Variants in IDE observed in about 807,000 individuals in gnomAD.
The protein encoded by IDE is insulin-degrading enzyme.
A neutral mutation model predicts 133.2 loss-of-function variants in IDE; 58 were observed. The ratio of observed to expected loss-of-function variants is 0.44; its 90% CI spans 0.35 to 0.54. IDE has a LOEUF of 0.54. Among genes scored for constraint, IDE ranks in the 20% least tolerant of loss-of-function variants. IDE has a pLI of 0.00. For synonymous variants in IDE, 396 were observed against 421.3 expected, an observed-to-expected ratio of 0.94 and a Z score of 0.73; for missense variants, 981 against 1,234.0, an observed-to-expected ratio of 0.79 and a Z score of 3.07.
intron 1 of IDE, among the ~76,000 whole-genome samples, chr10:92,538,677 C>A (rs1202310473): frequency 6.6e-6 from 1 of 151,316 alleles, no homozygotes; most frequent in East Asian, 1.9e-4. Context: ...ATGTTGGTTG[C>A]AATTAGTGCA....
intron 22 of IDE, among the ~76,000 whole-genome samples, chr10:92,460,570 C>T (rs1845322324): frequency 6.6e-6 from 1 of 151,938 alleles, no homozygotes; most frequent in South Asian, 2.1e-4. Context: ...TGTCATGGGC[C>T]ACACATAAAA....
At chr10:92,476,062 G>A in intron 15 of IDE, 68 bp from the exon 16 acceptor site, 1 of 691,808 alleles carries the variant, frequency 1.4e-6, no homozygotes, top group Non-Finnish European at 2.5e-6. Context: ...TAAACGACTT[G>A]ATTTTTAAAC....
chr10:92,462,668 C>A (rs1246113906), intron 21 of IDE, among the ~76,000 whole-genome samples: 1 of 152,124 alleles, frequency 6.6e-6, no homozygotes, highest in Non-Finnish European at 1.5e-5. Context: ...AGGAGCCAGG[C>A]CAGCCTGGAT....
chr10:92,526,713 G>A (rs1849639087), intron 4 of IDE, among the ~76,000 whole-genome samples: 1 of 152,028 alleles, frequency 6.6e-6, no homozygotes, highest in African/African-American at 2.4e-5. Context: ...GAGTGTGGTA[G>A]TGTGTGCGTG....
intron 1 of IDE, among the ~76,000 whole-genome samples, chr10:92,571,045 A>G (rs1843759194): frequency 6.6e-6 from 1 of 150,916 alleles, no homozygotes; most frequent in Admixed American, 6.6e-5. Flanking sequence ...CAGTGGCACG[A>G]TCTCAGCTCA....
intron 1 of IDE, among the ~76,000 whole-genome samples, chr10:92,566,122 A>G (rs1166523075): frequency 6.6e-6 from 1 of 151,756 alleles, no homozygotes; most frequent in African/African-American, 2.4e-5. Flanking sequence ...TTGGGAGGCC[A>G]AGGTAGGTGG....
chr10:92,570,528 G>A (rs1490851374), intron 1 of IDE, among the ~76,000 whole-genome samples: 6 of 152,084 alleles, frequency 3.9e-5, no homozygotes, highest in African/African-American at 1.4e-4. Flanking sequence ...AAGTGCTCTA[G>A]CCTTGTCATC....
At chr10:92,499,950 T>C (rs1273115051) in intron 11 of IDE, among the ~76,000 whole-genome samples, 1 of 152,182 alleles carries the variant, frequency 6.6e-6, no homozygotes, top group Non-Finnish European at 1.5e-5. Flanking sequence ...AACAGCACCA[T>C]TTGTTGAAAA....
At chr10:92,456,478 C>G (rs767583086) in intron 22 of IDE, 47 bp from the exon 23 acceptor site, 3 of 1,261,158 alleles carry the variant, frequency 2.4e-6, no homozygotes, top group East Asian at 4.6e-5. Context: ...CACTAAAGAA[C>G]TTACAATGAG....
At chr10:92,540,730 T>C (rs1422500696) in intron 1 of IDE, among the ~76,000 whole-genome samples, 2 of 152,144 alleles carry the variant, frequency 1.3e-5, no homozygotes, top group Admixed American at 6.5e-5. Flanking sequence ...AGATGAAATA[T>C]AGCTCACTTT....
intron 11 of IDE, among the ~76,000 whole-genome samples, chr10:92,495,195 C>G (rs1043431321): frequency 6.3e-5 from 9 of 142,776 alleles, no homozygotes; most frequent in Non-Finnish European, 1.3e-4. Flanking sequence ...TCCATAGTAG[C>G]TAGGATTACA....
chr10:92,525,799 TACAAAAA>T (rs1256754473), intron 4 of IDE, among the ~76,000 whole-genome samples: 1 of 126,546 alleles, frequency 7.9e-6, no homozygotes, highest in Non-Finnish European at 1.7e-5. Context: ...TTATAATAGC[TACAAAAA>T]ACAAAAAACA....
intron 14 of IDE, among the ~76,000 whole-genome samples, 196 bp downstream of exon 14, chr10:92,483,059 C>T (rs949259241): frequency 9.9e-5 from 15 of 152,170 alleles, no homozygotes; most frequent in Non-Finnish European, 1.5e-4. Flanking sequence ...GGATTACAGG[C>T]GTGAGCCACC....
rs1236727172 is a variant in IDE at position 92,564,703 on chromosome 10, A to C, written c.98+9219T>G. 1.2e-4 allele frequency among the ~76,000 whole-genome samples: 18 copies of C among 144,642 alleles called. No homozygotes were observed. In the East Asian group the frequency reaches 1.6e-3, roughly 13 times the overall value. The allele number at this position is 144,642 out of a possible 152,430, so 94.9% of individuals were successfully genotyped here. ...AAAAAAAAAAAAAAAAAAAAAAAAAAAAAAAAACTGAAACTGTACTAAATG... is the reference window on the plus strand; with the variant it reads ...AAAAAAAAAAAAAAAAAAAAAAAAACAAAAAAACTGAAACTGTACTAAATG... On this transcript the variant is annotated intron_variant, in intron 1 of 24. Transcript: ENST00000265986.
chr10:92,483,160 AT>A, intron 14 of IDE, 94 bp downstream of exon 14: 2 of 634,586 alleles, frequency 3.2e-6, no homozygotes, highest in East Asian at 5.5e-5. Context: ...AATTCCTTTT[AT>A]TTCTAGACAT....
At chr10:92,459,052 A>G (rs1030915646) in intron 22 of IDE, among the ~76,000 whole-genome samples, 1 of 152,218 alleles carries the variant, frequency 6.6e-6, no homozygotes, top group African/African-American at 2.4e-5. Context: ...TCATTGCTGA[A>G]AAAGGTGCTT....
intron 9 of IDE, among the ~76,000 whole-genome samples, 155 bp downstream of exon 9, chr10:92,507,420 G>A (rs1339562208): frequency 6.6e-6 from 1 of 152,098 alleles, no homozygotes; most frequent in Non-Finnish European, 1.5e-5. Flanking sequence ...GTACAACTAA[G>A]CCTTAACTAA....
intron 4 of IDE, among the ~76,000 whole-genome samples, chr10:92,522,924 A>G (rs1405064927): frequency 6.6e-6 from 1 of 152,196 alleles, no homozygotes; most frequent in Non-Finnish European, 1.5e-5. Flanking sequence ...AATCAAAGCT[A>G]AAATTACACT....
At chr10:92,555,694 GA>G (rs1842972150) in intron 1 of IDE, among the ~76,000 whole-genome samples, 1 of 152,062 alleles carries the variant, frequency 6.6e-6, no homozygotes, top group Non-Finnish European at 1.5e-5. Flanking sequence ...TCCTCAACCT[GA>G]AAAAGGGACT....
Sources: gnomAD v4.1 joint callset for allele counts (sites outside exome capture counted in the v4.1 genomes callset) on GRCh38, gnomAD v4.1.1 for gene constraint, MANE v1.5 for transcripts, NCBI Gene and HGNC (gene_info 2026-07-23, HGNC 2026-07-21) for gene names.